Variants in AGBL4 observed in about 807,000 individuals in gnomAD.
AGBL4 encodes the protein AGBL carboxypeptidase 4, also known as cytosolic carboxypeptidase 6.
Under a neutral mutation model 66.4 loss-of-function variants are expected in AGBL4, and 58 were observed. The observed-to-expected ratio is 0.87, with a 90% CI of 0.71 to 1.09. The LOEUF (loss-of-function observed/expected upper bound fraction) is 1.09, where lower values mean the gene tolerates loss of function less well. AGBL4 is among the 50% of genes least tolerant of loss of function. The probability of loss-of-function intolerance (pLI) is 0.00; values close to 1 mark genes in which losing one functional copy is unlikely to be tolerated. For synonymous variants in AGBL4, 234 were observed against 222.9 expected (o/e 1.05, Z -0.44); for missense variants, 579 against 631.0 (o/e 0.92, Z 0.88).
At chr1:49,180,433 A>C (rs1646910433) in intron 4 of AGBL4, among the ~76,000 whole-genome samples, 1 of 152,244 alleles carries the variant, frequency 6.6e-6, no homozygotes, top group East Asian at 1.9e-4. Context: ...GCTAAATAAT[A>C]GTCTCTTTCC....
intron 11 of AGBL4, among the ~76,000 whole-genome samples, chr1:48,546,896 C>CACACACACAT (rs764972096): frequency 1.1e-4 from 17 of 151,104 alleles, no homozygotes; most frequent in African/African-American, 3.4e-4. Context: ...CACACACACA[C>CACACACACAT]ACATACATAA....
At chr1:48,778,223 C>T (rs1019422970) in intron 6 of AGBL4, among the ~76,000 whole-genome samples, 2 of 152,120 alleles carry the variant, frequency 1.3e-5, no homozygotes, top group African/African-American at 4.8e-5. Flanking sequence ...ATTCAAGCAA[C>T]CAATATTCAC....
chr1:49,327,599 C>T (rs997883705), intron 3 of AGBL4, among the ~76,000 whole-genome samples: 1 of 152,196 alleles, frequency 6.6e-6, no homozygotes, highest in Non-Finnish European at 1.5e-5. Flanking sequence ...GGGAGTAAGG[C>T]TATGTCTTCA....
chr1:48,707,512 T>C (rs1203103006), intron 6 of AGBL4, among the ~76,000 whole-genome samples: 9 of 152,146 alleles, frequency 5.9e-5, no homozygotes, highest in Admixed American at 5.9e-4. Flanking sequence ...GGCATCATTT[T>C]CCAGAAAGAA....
intron 4 of AGBL4, among the ~76,000 whole-genome samples, chr1:49,216,527 T>C (rs1039953714): frequency 6.6e-6 from 1 of 152,176 alleles, no homozygotes; most frequent in African/African-American, 2.4e-5. Context: ...TCTGTTCCTA[T>C]ATTAATTTGC....
At chr1:49,168,168 T>G (rs1050988210) in intron 4 of AGBL4, among the ~76,000 whole-genome samples, 1 of 152,186 alleles carries the variant, frequency 6.6e-6, no homozygotes. Context: ...TGCCTATATT[T>G]TTTTTTAAAT....
chr1:49,926,189 T>C (rs1389512395), intron 1 of AGBL4, among the ~76,000 whole-genome samples: 2 of 152,184 alleles, frequency 1.3e-5, no homozygotes, highest in African/African-American at 4.8e-5. Flanking sequence ...GAAAGAGACG[T>C]TCTGCTTATT....
chr1:49,560,920 G>A (rs941020698), intron 3 of AGBL4, among the ~76,000 whole-genome samples: 4 of 152,074 alleles, frequency 2.6e-5, no homozygotes, highest in African/African-American at 9.7e-5. Flanking sequence ...AAAGCTGAGG[G>A]ATTTCATCAA....
At chr1:49,711,207 G>A (rs1218505898) in intron 2 of AGBL4, among the ~76,000 whole-genome samples, 1 of 152,008 alleles carries the variant, frequency 6.6e-6, no homozygotes, top group African/African-American at 2.4e-5. Flanking sequence ...AAAGGTAAAT[G>A]TACACCAATT....
intron 2 of AGBL4, among the ~76,000 whole-genome samples, chr1:49,733,478 T>C (rs1649615190): frequency 6.6e-6 from 1 of 152,210 alleles, no homozygotes; most frequent in Non-Finnish European, 1.5e-5. Flanking sequence ...TAACAAATTA[T>C]CACAGGCTGG....
chr1:49,203,991 A>G (rs1647931745), intron 4 of AGBL4, among the ~76,000 whole-genome samples: 1 of 152,220 alleles, frequency 6.6e-6, no homozygotes, highest in Non-Finnish European at 1.5e-5. Flanking sequence ...CACTGACGCC[A>G]CAACCATAAA....
intron 4 of AGBL4, among the ~76,000 whole-genome samples, chr1:49,232,755 GTTTTT>G (rs10716787): frequency 6.6e-6 from 1 of 151,326 alleles, no homozygotes; most frequent in Non-Finnish European, 1.5e-5. Flanking sequence ...TGACTTTATG[GTTTTT>G]TTGTTTTGTT....
intron 5 of AGBL4, among the ~76,000 whole-genome samples, chr1:48,987,740 A>C (rs1660288949): frequency 6.6e-6 from 1 of 152,142 alleles, no homozygotes; most frequent in South Asian, 2.1e-4. Context: ...TTACTAAGAC[A>C]GATCATATTC....
At chr1:49,106,448 A>C (rs1462638365) in intron 4 of AGBL4, among the ~76,000 whole-genome samples, 1 of 152,152 alleles carries the variant, frequency 6.6e-6, no homozygotes, top group East Asian at 1.9e-4. Flanking sequence ...GCAGTGTGGA[A>C]GATACTGCTT....
chr1:49,807,447 GA>G (rs1275012936), intron 2 of AGBL4, among the ~76,000 whole-genome samples: 2 of 152,194 alleles, frequency 1.3e-5, no homozygotes, highest in African/African-American at 2.4e-5. Flanking sequence ...CTTTTAGAAT[GA>G]GAGTATCTAT....
At chr1:49,097,769 C>T (rs891988692) in intron 4 of AGBL4, among the ~76,000 whole-genome samples, 9 of 152,146 alleles carry the variant, frequency 5.9e-5, no homozygotes, top group African/African-American at 1.4e-4. Flanking sequence ...TAAGTAGAGA[C>T]GAGGTTTCGC....
intron 1 of AGBL4, among the ~76,000 whole-genome samples, chr1:50,019,359 A>C (rs1024226288): frequency 1.5e-5 from 2 of 137,200 alleles, no homozygotes; most frequent in Non-Finnish European, 3.2e-5. Context: ...GACACCAATT[A>C]AGATATCATT....
At chr1:49,369,728 C>A (rs1302918330) in intron 3 of AGBL4, among the ~76,000 whole-genome samples, 3 of 152,064 alleles carry the variant, frequency 2.0e-5, no homozygotes, top group Non-Finnish European at 4.4e-5. Context: ...GAAAAAAACA[C>A]TGGAAAGGAG....
intron 6 of AGBL4, among the ~76,000 whole-genome samples, chr1:48,675,536 C>T (rs1364336986): frequency 7.9e-5 from 12 of 152,212 alleles, no homozygotes; most frequent in Non-Finnish European, 2.9e-5. Context: ...AGCCACCTGG[C>T]ATGCAATAGT....
Sources: gnomAD v4.1 joint callset for allele counts (sites outside exome capture counted in the v4.1 genomes callset) on GRCh38, gnomAD v4.1.1 for gene constraint, MANE v1.5 for transcripts, NCBI Gene and HGNC (gene_info 2026-07-23, HGNC 2026-07-21) for gene names.